The following HPS5 variants were observed in gnomAD, a reference collection of about 807,000 sequenced individuals.
HPS5 encodes the protein HPS5 biogenesis of lysosomal organelles complex 2 subunit 2, also known as BLOC-2 complex member HPS5.
HPS5 carries 83 observed loss-of-function variants against 128.0 expected under a neutral mutation model. The observed-to-expected ratio is 0.65, with a 90% confidence interval of 0.54 to 0.78. HPS5 has a LOEUF of 0.78. Among genes scored for constraint, HPS5 ranks in the 30% least tolerant of loss-of-function variants. The probability of loss-of-function intolerance (pLI) is 0.00; values close to 1 mark genes in which losing one functional copy is unlikely to be tolerated. For missense variants in HPS5, 1,281 were observed against 1,326.2 expected (o/e 0.97, Z 0.53); for synonymous variants, 475 against 470.2 (o/e 1.01, Z -0.13).
At position 18,291,471 on chromosome 11, in the gene HPS5, A is replaced by G. The variant is rs1459578335; in HGVS notation, c.2411T>C (p.Val804Ala). The G allele has an allele frequency of 6.2e-7, 1 of 1,611,348 alleles. No individual in the cohort carries two copies. Among genetic ancestry groups the G allele is most frequent in the Non-Finnish European group, 8.5e-7 (1 of 1,177,674 alleles). The change falls in exon 16 of 23, where the codon GTT becomes GCT. Residue 804 changes from valine to alanine, a missense_variant. Physicochemically the swap from Val to Ala is moderately conservative, Grantham distance 64. Transcript: ENST00000349215. ...IKLSYSNSPSVWDTFIEGLKE... is the reference protein window; with the variant it reads ...IKLSYSNSPSAWDTFIEGLKE... ...CAATCCTTCAATAAAAGTATCCCAA[A>G]CAGAAGGGCTATTACTGTAACTAAG...
At chr11:18,300,206 A>C (rs994454446) in intron 9 of HPS5, among the ~76,000 whole-genome samples, 1 of 152,092 alleles carries the variant, frequency 6.6e-6, no homozygotes, top group African/African-American at 2.4e-5. Context: ...TACACTATAC[A>C]CTGCATGTAT....
chr11:18,317,819 C>T lies in HPS5; in HGVS notation c.40G>A (p.Val14Ile). 2 of 1,613,850 alleles carry T rather than the reference C, an allele frequency of 1.2e-6. No individual in the cohort carries two copies. The highest frequency in any genetic ancestry group is 1.7e-6 in the Non-Finnish European group (2 of 1,179,876). The change falls in exon 2 of 23, where the codon GTT (valine) becomes ATT (isoleucine). Residue 14 changes from valine to isoleucine, a missense_variant. Transcript: ENST00000349215. ...VPVIPESYSH[V>I]LAEFESLDPL... ...TCCAGAGATTCAAACTCTGCAAGAA[C>T]ATGGCTGTAGGACTCTGGTATCACT... is the stretch of plus-strand genomic sequence containing the variant.
chr11:18,285,225 C>A, intron 20 of HPS5, 121 bp downstream of exon 20: 4 of 555,048 alleles, frequency 7.2e-6, no homozygotes, highest in Non-Finnish European at 9.5e-6. Flanking sequence ...CAAAAAGGTA[C>A]TTTTAAATAG....
chr11:18,283,832 C>T lies in HPS5; in HGVS notation c.3021G>A (p.Val1007=). Reference sequence around the variant, plus strand: ...CCATCAGGCTCATATCATTCAGATACACAATATTGGTGAAGGCCTCTCTTC... The same window carrying T: ...CCATCAGGCTCATATCATTCAGATATACAATATTGGTGAAGGCCTCTCTTC... ...ERRREAFTNI[V]YLNDMSLMEG... Residue 1007 remains valine, a synonymous_variant, in exon 21 of 23, where the codon GTG becomes GTA. Transcript: ENST00000349215. 2 of 1,612,454 alleles carry T rather than the reference C, an allele frequency of 1.2e-6. No homozygotes were observed. The highest frequency in any genetic ancestry group is 1.7e-6 in the Non-Finnish European group (2 of 1,178,796).
intron 5 of HPS5, 102 bp downstream of exon 5, chr11:18,310,639 C>T (rs1328773902): frequency 4.0e-6 from 4 of 1,001,792 alleles, no homozygotes; most frequent in Non-Finnish European, 6.0e-6. Context: ...GGATTAGTCT[C>T]CCAAGAAATA....
chr11:18,317,193 CAAA>C (rs113486556), intron 2 of HPS5, among the ~76,000 whole-genome samples: 11 of 139,882 alleles, frequency 7.9e-5, no homozygotes, highest in Admixed American at 2.1e-4. Context: ...GACTCCGTCT[CAAA>C]AAAAAAAAAA....
chr11:18,305,485 G>A lies in HPS5; in HGVS notation c.833C>T (p.Pro278Leu), dbSNP rs1564965760. The A allele has an allele frequency of 6.2e-7, 1 of 1,604,056 alleles. No homozygotes were observed. Among genetic ancestry groups the A allele is most frequent in the East Asian group, 2.2e-5 (1 of 44,734 alleles). The change falls in exon 8 of 23, where the codon CCT becomes CTT. Residue 278 changes from proline to leucine, a missense_variant. Physicochemically the swap from Pro to Leu is moderately conservative, Grantham distance 98. Coordinates refer to ENST00000349215, the MANE Select transcript of HPS5 (RefSeq NM_181507.2). ...GGATCCAGCTGTATGATCATACTGA[G>A]GTTCTGATCTAGAAAGTAAACACAT... ...PLPVITLRSE[P>L]QYDHTAGSSQ... is the part of the protein sequence containing the mutation.
chr11:18,318,034 C>A lies in HPS5; in HGVS notation c.-49-127G>T, dbSNP rs558505299. 3 of 677,032 alleles carry A rather than the reference C, an allele frequency of 4.4e-6. No homozygotes were observed. In the African/African-American group the frequency reaches 5.4e-5, roughly 12 times the overall value. 41.9% of individuals were successfully genotyped at this position (677,032 alleles called of 1,614,324 possible). On this transcript the variant is annotated intron_variant, in intron 1 of 22. Coordinates refer to ENST00000349215, the MANE Select transcript of HPS5 (RefSeq NM_181507.2). ...ACTATACAGGGACTTAGAAAGAAAA[C>A]ACATAAGGTAACATCGTATGCCACA...
intron 6 of HPS5, among the ~76,000 whole-genome samples, chr11:18,306,944 C>T (rs1862443841): frequency 6.6e-6 from 1 of 152,192 alleles, no homozygotes; most frequent in Non-Finnish European, 1.5e-5. Context: ...GGAGATGTCT[C>T]TTCCTAAAAA....
At chr11:18,312,897 G>A (rs1362347670) in intron 2 of HPS5, among the ~76,000 whole-genome samples, 3 of 152,104 alleles carry the variant, frequency 2.0e-5, no homozygotes, top group Non-Finnish European at 4.4e-5. Context: ...CCTCCTATGA[G>A]ATTATAAACA....
At position 18,291,560 on chromosome 11, in the gene HPS5, A is replaced by G; in HGVS notation, c.2322T>C (p.Ala774=). ...TLQQYSPEIL[A]CQFLKKYFFL... ...AAAAGTACTTCTTCAGGAACTGGCA[A>G]GCCAGAATTTCAGGAGAGTACTGTT... Residue 774 remains alanine, a synonymous_variant, in exon 16 of 23, where the codon GCT becomes GCC. Coordinates refer to ENST00000349215, the MANE Select transcript of HPS5 (RefSeq NM_181507.2). 1 of 1,611,318 alleles carries G rather than the reference A, an allele frequency of 6.2e-7. No individual in the cohort carries two copies. Among genetic ancestry groups the G allele is most frequent in the South Asian group, 1.1e-5 (1 of 90,640 alleles).
intron 8 of HPS5, among the ~76,000 whole-genome samples, chr11:18,303,753 C>A (rs78809822): frequency 0.037 from 5,555 of 151,848 alleles, 334 homozygotes; most frequent in African/African-American, 0.13. Context: ...ACTTGGAAGG[C>A]TGAGGCAGGA....
chr11:18,306,615 T>C (rs1310541476), intron 6 of HPS5, among the ~76,000 whole-genome samples: 3 of 152,184 alleles, frequency 2.0e-5, no homozygotes, highest in South Asian at 2.1e-4. Context: ...TCAGAATTAA[T>C]GTAAAGGCCC....
At chr11:18,321,458 A>G (rs1450002148) in intron 1 of HPS5, among the ~76,000 whole-genome samples, 1 of 152,230 alleles carries the variant, frequency 6.6e-6, no homozygotes, top group Non-Finnish European at 1.5e-5. Context: ...GTTGGCGACA[A>G]ATGCTTAACC....
chr11:18,306,415 A>G, intron 6 of HPS5, 68 bp from the exon 7 acceptor site: 1 of 1,005,046 alleles, frequency 9.9e-7, no homozygotes. Flanking sequence ...CGGCACTACA[A>G]ATCAGCATGG....
chr11:18,295,809 C>A (rs1590084115), intron 13 of HPS5, among the ~76,000 whole-genome samples, 190 bp downstream of exon 13: 2 of 152,146 alleles, frequency 1.3e-5, no homozygotes, highest in African/African-American at 4.8e-5. Context: ...AACTCAAATA[C>A]CAGCTGCTAA....
intron 14 of HPS5, 79 bp from the exon 15 acceptor site, chr11:18,293,055 T>C: frequency 2.8e-6 from 3 of 1,068,914 alleles, no homozygotes; most frequent in Non-Finnish European, 4.4e-6. Flanking sequence ...AGGGTCTCAC[T>C]CTGTCACCCA....
chr11:18,282,157 G>GTGCTCT lies in HPS5; in HGVS notation c.3116_3121dup (p.Lys1039_Ser1040dup). On this transcript the variant is annotated inframe_insertion, in exon 22 of 23. Coordinates refer to ENST00000349215, the MANE Select transcript of HPS5 (RefSeq NM_181507.2). ...TAGTGACTCCTGGGGGGCTGGCCTC[G>GTGCTCT]TGCTCTTGCTCTGTATGAGATGAAG... 1 of 1,614,120 alleles carries GTGCTCT rather than the reference G, an allele frequency of 6.2e-7. No homozygotes were observed. The highest frequency in any genetic ancestry group is 8.5e-7 in the Non-Finnish European group (1 of 1,180,026).
In HPS5 at chr11:18,296,863, T is replaced by C; in HGVS notation, c.1445A>G (p.Lys482Arg). ...SQTLSEDERFKEFTSQQEEDL... is the reference protein window; with the variant it reads ...SQTLSEDERFREFTSQQEEDL... ...CTCTTCCTGCTGTGAGGTGAATTCTTTAAATCTCTCATCTTCTGAGAGGGT... is the reference window on the plus strand; with the variant it reads ...CTCTTCCTGCTGTGAGGTGAATTCTCTAAATCTCTCATCTTCTGAGAGGGT... The change falls in exon 12 of 23, where the codon AAA becomes AGA. Residue 482 changes from lysine to arginine, a missense_variant. By Grantham distance (26) the Lys-to-Arg change is conservative. Transcript: ENST00000349215. 6.2e-7 allele frequency: 1 copy of C among 1,614,104 alleles called. No homozygotes were observed. The highest frequency in any genetic ancestry group is 8.5e-7 in the Non-Finnish European group (1 of 1,179,970).
Sources: allele counts gnomAD v4.1 joint callset (sites outside exome capture counted in the v4.1 genomes callset), GRCh38; gene constraint gnomAD v4.1.1; transcripts MANE v1.5; gene names NCBI Gene and HGNC (gene_info 2026-07-23, HGNC 2026-07-21).